The following UBA1 variants were observed in gnomAD, a reference collection of about 807,000 sequenced individuals.
UBA1 encodes ubiquitin like modifier activating enzyme 1, also known as ubiquitin-like modifier-activating enzyme 1.
UBA1 carries 4 observed loss-of-function variants against 84.7 expected under a neutral mutation model. The observed-to-expected ratio is 0.05, with a 90% CI of 0.02 to 0.11. The LOEUF is 0.11. Among genes scored for constraint, UBA1 ranks in the 10% least tolerant of loss-of-function variants. The pLI is 1.00. For missense variants in UBA1, 513 were observed against 902.8 expected (o/e 0.57, Z 5.53); for synonymous variants, 364 against 362.6 (o/e 1.00, Z -0.04).
chrX:47,208,955 G>A (rs1936805243), intron 16 of UBA1: 1 of 112,845 alleles, frequency 8.9e-6, no homozygotes, highest in African/African-American at 3.3e-5. Flanking sequence ...GCCGGGTGTG[G>A]TGGCATGTGC....
intron 8 of UBA1, among the ~76,000 whole-genome samples, 179 bp downstream of exon 8, chrX:47,201,789 G>A (rs1490739402): frequency 8.9e-6 from 1 of 112,079 alleles, no homozygotes; most frequent in African/African-American, 3.3e-5. Context: ...GGGCATGGGG[G>A]AGAGGTACTG....
At chrX:47,207,640 T>C (rs1156697485) in intron 16 of UBA1, among the ~76,000 whole-genome samples, 2 of 110,003 alleles carry the variant, frequency 1.8e-5, no homozygotes, top group African/African-American at 3.3e-5. Flanking sequence ...CCATTTAGAA[T>C]AGTAGGAGTA....
At chrX:47,203,397 T>A (rs1318831173) in intron 13 of UBA1, 144 bp from the exon 14 acceptor site, 2 of 837,934 alleles carry the variant, frequency 2.4e-6, no homozygotes, top group Non-Finnish European at 3.5e-6. Flanking sequence ...CATGACTGCG[T>A]GTCATTTCTT....
chrX:47,198,978 A>G (rs782210219), intron 2 of UBA1, 59 bp downstream of exon 2: 19 of 1,202,660 alleles, frequency 1.6e-5, no homozygotes, highest in South Asian at 1.4e-4. Flanking sequence ...AGTCTTTTGT[A>G]TCACTGTCTG....
chrX:47,195,932 A>G (rs782180028), intron 1 of UBA1, among the ~76,000 whole-genome samples: 3 of 110,899 alleles, frequency 2.7e-5, no homozygotes, highest in Admixed American at 9.6e-5. Flanking sequence ...TGCTACCAGC[A>G]TCTGTCTCCA....
intron 14 of UBA1, among the ~76,000 whole-genome samples, chrX:47,204,296 C>T (rs1010244594): frequency 9.1e-6 from 1 of 109,725 alleles, no homozygotes; most frequent in East Asian, 2.8e-4. Context: ...CAATTTATTA[C>T]AGCAAAAGGA....
chrX:47,199,707 G>A (rs1936333789), intron 5 of UBA1, 93 bp downstream of exon 5: 2 of 1,065,110 alleles, frequency 1.9e-6, no homozygotes, highest in Non-Finnish European at 2.6e-6. Flanking sequence ...TTAATGGGTC[G>A]GCCTGAATGT....
chrX:47,206,001 C>G lies in UBA1; in HGVS notation c.1629C>G (p.Ile543Met), dbSNP rs1556790800. 8.3e-7 allele frequency: 1 copy of G among 1,205,057 alleles called. No homozygotes were observed. The highest frequency in any genetic ancestry group is 2.2e-5 in the Admixed American group (1 of 45,362). ...AAAVRQMNPHIRVTSHQNRVG... is the reference protein window; with the variant it reads ...AAAVRQMNPHMRVTSHQNRVG... ...CTGTGCGCCAAATGAATCCACATAT[C>G]CGGGTGACAAGCCACCAGAACCGTG... Residue 543 changes from isoleucine to methionine, a missense_variant, in exon 15 of 26, where the codon ATC becomes ATG. By Grantham distance (10) the Ile-to-Met change is conservative. This residue lies in a region of UBA1 where 55 missense variants were observed against 104.8 expected (regional missense o/e 0.52). Coordinates refer to ENST00000335972, the MANE Select transcript of UBA1 (RefSeq NM_003334.4).
At chrX:47,210,277 C>T (rs1841586521) in intron 18 of UBA1, among the ~76,000 whole-genome samples, 154 bp downstream of exon 18, 2 of 112,196 alleles carry the variant, frequency 1.8e-5, no homozygotes, top group Non-Finnish European at 3.8e-5. Flanking sequence ...GCTTTTTCCT[C>T]ACCCTAGTTC....
At chrX:47,213,219 G>A (rs1937000067) in intron 23 of UBA1, 38 bp downstream of exon 23, 2 of 1,183,468 alleles carry the variant, frequency 1.7e-6, no homozygotes, top group African/African-American at 1.8e-5. Flanking sequence ...TGGGTGGGGT[G>A]TATCTGTGTA....
intron 14 of UBA1, 87 bp downstream of exon 14, chrX:47,203,783 T>C: frequency 9.8e-7 from 1 of 1,015,998 alleles, no homozygotes; most frequent in Admixed American, 2.7e-5. Context: ...GTTTCGCTCT[T>C]GTTGCCCAGG....
intron 15 of UBA1, 46 bp from the exon 16 acceptor site, chrX:47,206,202 C>T (rs1936668883): frequency 8.5e-7 from 1 of 1,180,934 alleles, no homozygotes; most frequent in African/African-American, 1.8e-5. Context: ...TCTTTCTGTC[C>T]TCTCCTGATG....
chrX:47,208,238 A>G (rs1331441101), intron 16 of UBA1, among the ~76,000 whole-genome samples: 1 of 112,488 alleles, frequency 8.9e-6, no homozygotes, highest in African/African-American at 3.2e-5. Flanking sequence ...ATCATAGCTC[A>G]CTGCAACCTT....
At chrX:47,191,509 C>T (rs1277054042), upstream of UBA1, 1 of 111,638 alleles carries the variant, frequency 9.0e-6, no homozygotes, top group Non-Finnish European at 1.9e-5. Flanking sequence ...GACACCGGAG[C>T]CCAGCTCTTC....
intron 7 of UBA1, 35 bp from the exon 8 acceptor site, chrX:47,201,443 G>T (rs1556787975): frequency 7.4e-6 from 9 of 1,210,085 alleles, no homozygotes. Flanking sequence ...TGGTACCCTG[G>T]GCCTGTTTCT....
intron 4 of UBA1, 36 bp from the exon 5 acceptor site, chrX:47,199,444 C>A: frequency 8.3e-7 from 1 of 1,212,091 alleles, no homozygotes; most frequent in East Asian, 3.0e-5. Context: ...GGTGCCACAG[C>A]CATTTCATCT....
rs782736522 is a variant in UBA1 at position 47,197,924 on chromosome X, G to A, written c.1-879G>A. The A allele has an allele frequency of 2.5e-5, 20 of 792,395 alleles. No individual in the cohort carries two copies. In the South Asian group the frequency reaches 8.7e-4, roughly 34 times the overall value. 65.3% of individuals were successfully genotyped at this position (792,395 alleles called of 1,213,427 possible). On this transcript the variant is annotated intron_variant, in intron 1 of 25. Transcript: ENST00000335972. The stretch of plus-strand genomic sequence containing the variant: ...GAGTACCCTGAGGACAGAGTGAGAC[G>A]AGGTTTAGAGAAGTGCTTACTATGG...
At chrX:47,205,825 G>A (rs782524604) in intron 14 of UBA1, 123 bp from the exon 15 acceptor site, 67 of 838,841 alleles carry the variant, frequency 8.0e-5, no homozygotes, top group Non-Finnish European at 1.0e-4. Flanking sequence ...CTGCATTCCA[G>A]CCTGTGTGAT....
chrX:47,214,273 G>C (rs113684815), intron 23 of UBA1, 54 bp from the exon 24 acceptor site: 10 of 1,091,767 alleles, frequency 9.2e-6, no homozygotes, highest in Non-Finnish European at 1.1e-5. Flanking sequence ...AGACAGATGG[G>C]GGCTGGACCC....
Sources: gnomAD v4.1 joint callset for allele counts (sites outside exome capture counted in the v4.1 genomes callset) on GRCh38, gnomAD v4.1.1 for gene constraint, gnomAD v4.1.1 regional missense constraint, MANE v1.5 for transcripts, NCBI Gene and HGNC (gene_info 2026-07-23, HGNC 2026-07-21) for gene names.